SYN3: variants seen among roughly 807,000 people sequenced by gnomAD.
SYN3 encodes synapsin-3.
In SYN3, 35 loss-of-function variants were observed where a neutral mutation model predicts 65.8. That is an observed-to-expected ratio of 0.53 (90% CI 0.41 to 0.70). The LOEUF is 0.70. Ranked by LOEUF, SYN3 falls within the 30% of genes least tolerant of loss-of-function variation. SYN3 has a pLI of 0.00. For synonymous variants in SYN3, 270 were observed against 292.9 expected (o/e 0.92, Z 0.80); for missense variants, 680 against 749.0 (o/e 0.91, Z 1.08).
At chr22:32,916,370 T>C (rs2050186136) in intron 4 of SYN3, among the ~76,000 whole-genome samples, 1 of 152,218 alleles carries the variant, frequency 6.6e-6, no homozygotes, top group Non-Finnish European at 1.5e-5. Context: ...AAAAACTTTA[T>C]ACAAATCTCC....
At chr22:33,026,105 G>C (rs470012) in intron 1 of SYN3, among the ~76,000 whole-genome samples, 128,476 of 152,148 alleles carry the variant, frequency 0.84, 54,531 homozygotes, top group African/African-American at 0.93. Flanking sequence ...CAAGAAGAGT[G>C]AACTCCTAGC....
chr22:32,585,098 G>T (rs560979020), intron 7 of SYN3, among the ~76,000 whole-genome samples: 4 of 152,302 alleles, frequency 2.6e-5, no homozygotes, highest in African/African-American at 9.6e-5. Flanking sequence ...CTATAAAACA[G>T]GGATCAGAAA....
At chr22:32,790,418 A>ATTTATTTATTTATTTC (rs2046299165) in intron 6 of SYN3, among the ~76,000 whole-genome samples, 6 of 149,516 alleles carry the variant, frequency 4.0e-5, no homozygotes, top group Admixed American at 4.0e-4. Flanking sequence ...TTATTTATTT[A>ATTTATTTATTTATTTC]TTTATTTATT....
chr22:32,550,700 C>CAAA (rs135481), intron 7 of SYN3, among the ~76,000 whole-genome samples: 37,677 of 148,162 alleles, frequency 0.25, 4,850 homozygotes, highest in Middle Eastern at 0.34. Context: ...CTAGAAATGG[C>CAAA]AAAAAAAAAA....
chr22:32,711,574 A>G (rs2060966269), intron 6 of SYN3, among the ~76,000 whole-genome samples: 1 of 152,094 alleles, frequency 6.6e-6, no homozygotes, highest in Non-Finnish European at 1.5e-5. Flanking sequence ...GTCCATCCCA[A>G]GGCTCTCTTG....
At chr22:32,749,010 A>C (rs1240297425) in intron 6 of SYN3, among the ~76,000 whole-genome samples, 1 of 149,750 alleles carries the variant, frequency 6.7e-6, no homozygotes, top group Non-Finnish European at 1.5e-5. Context: ...TTAATAGCTG[A>C]CCCTGCTTGG....
intron 2 of SYN3, among the ~76,000 whole-genome samples, chr22:32,985,276 G>A (rs966842404): frequency 6.6e-6 from 1 of 152,206 alleles, no homozygotes; most frequent in Non-Finnish European, 1.5e-5. Context: ...CAAGAGCAAA[G>A]AGCTATCGAG....
intron 12 of SYN3, among the ~76,000 whole-genome samples, chr22:32,522,435 A>G (rs913839665): frequency 6.6e-6 from 1 of 152,174 alleles, no homozygotes; most frequent in African/African-American, 2.4e-5. Flanking sequence ...GCTCTGTTCA[A>G]ATGTGCTTTT....
intron 4 of SYN3, 142 bp downstream of exon 4, chr22:32,931,248 C>A: frequency 1.6e-6 from 1 of 623,442 alleles, no homozygotes; most frequent in South Asian, 1.8e-5. Flanking sequence ...CTACTGCAAC[C>A]ACACCTGGGA....
intron 6 of SYN3, among the ~76,000 whole-genome samples, chr22:32,693,623 GCTCTGTCACC>G (rs1426392687): frequency 8.5e-5 from 7 of 82,220 alleles, no homozygotes; most frequent in African/African-American, 4.1e-4. Flanking sequence ...TTTGAGACTT[GCTCTGTCACC>G]CAGGCAGGAG....
At chr22:32,956,908 G>A (rs907308529) in intron 3 of SYN3, among the ~76,000 whole-genome samples, 1 of 152,134 alleles carries the variant, frequency 6.6e-6, no homozygotes, top group Admixed American at 6.5e-5. Flanking sequence ...AGTGCACAAA[G>A]GTTCCAATCT....
At chr22:32,519,230 T>A (rs960858683) in intron 12 of SYN3, among the ~76,000 whole-genome samples, 1 of 152,088 alleles carries the variant, frequency 6.6e-6, no homozygotes, top group African/African-American at 2.4e-5. Context: ...TCTAACGGGT[T>A]CCCAGCTTAT....
chr22:32,550,420 T>C (rs1370040330), intron 7 of SYN3, among the ~76,000 whole-genome samples: 2 of 150,008 alleles, frequency 1.3e-5, no homozygotes, highest in African/African-American at 4.9e-5. Context: ...GCAGAAAATA[T>C]CCAAAAGATT....
intron 6 of SYN3, chr22:32,861,918 TA>T (rs1324639515): frequency 1.3e-5 from 2 of 152,588 alleles, no homozygotes; most frequent in African/African-American, 4.8e-5. Flanking sequence ...ACATTGTGTT[TA>T]AGAGAAAAAT....
chr22:32,611,610 A>T (rs1266271826), intron 6 of SYN3, among the ~76,000 whole-genome samples: 1 of 151,972 alleles, frequency 6.6e-6, no homozygotes, highest in Non-Finnish European at 1.5e-5. Context: ...TCTTTTGTAC[A>T]ATTATTGGGG....
At position 32,958,681 on chromosome 22, in the gene SYN3, T is replaced by G. The variant is rs907107744; in HGVS notation, c.369+21964A>C. Among the ~76,000 whole-genome samples the G allele has an allele frequency of 4.6e-5, 7 of 152,208 alleles. No homozygotes were observed. In the East Asian group the frequency reaches 1.3e-3, roughly 29 times the overall value. ...GTAATGAATCCTGACAGTAACCTGG[T>G]GAGACAGGCCTTATTATCCCCACTT... On this transcript the variant is annotated intron_variant, in intron 3 of 13. Coordinates refer to ENST00000358763, the MANE Select transcript of SYN3 (RefSeq NM_003490.4).
chr22:32,592,815 C>G (rs1052212684), intron 7 of SYN3, among the ~76,000 whole-genome samples: 10 of 152,218 alleles, frequency 6.6e-5, no homozygotes, highest in African/African-American at 2.4e-4. Flanking sequence ...ATTTACACGA[C>G]TATCTCTCCA....
chr22:32,886,973 A>C (rs2049310403), intron 4 of SYN3, among the ~76,000 whole-genome samples: 1 of 152,228 alleles, frequency 6.6e-6, no homozygotes, highest in African/African-American at 2.4e-5. Context: ...AATACGGCAA[A>C]GGAGATGGGT....
intron 6 of SYN3, among the ~76,000 whole-genome samples, chr22:32,785,730 T>A (rs369687213): frequency 6.6e-6 from 1 of 152,188 alleles, no homozygotes; most frequent in East Asian, 1.9e-4. Context: ...TTACTCTGTC[T>A]TATCATCTTC....
Sources: gnomAD v4.1 joint callset for allele counts (sites outside exome capture counted in the v4.1 genomes callset) on GRCh38, gnomAD v4.1.1 for gene constraint, MANE v1.5 for transcripts, NCBI Gene and HGNC (gene_info 2026-07-23, HGNC 2026-07-21) for gene names.